Variants in PJA2 observed in about 807,000 individuals in gnomAD.
PJA2 encodes the protein praja ring finger ubiquitin ligase 2, also known as E3 ubiquitin-protein ligase Praja-2.
A neutral mutation model predicts 69.3 loss-of-function variants in PJA2; 25 were observed. The ratio of observed to expected loss-of-function variants is 0.36; its 90% CI spans 0.26 to 0.50. The LOEUF is 0.50. Ranked by LOEUF, PJA2 falls within the 20% of genes least tolerant of loss-of-function variation. The probability of loss-of-function intolerance (pLI) is 0.96; values close to 1 mark genes in which losing one functional copy is unlikely to be tolerated. For missense variants in PJA2, 809 were observed against 830.2 expected, an observed-to-expected ratio of 0.97 and a Z score of 0.31; for synonymous variants, 308 against 277.8, an observed-to-expected ratio of 1.11 and a Z score of -1.08.
Position 109,378,828 on chromosome 5 carries a change from G to C in PJA2, c.659C>G (p.Pro220Arg). 1.2e-6 allele frequency: 2 copies of C among 1,613,670 alleles called. No individual in the cohort carries two copies. Among genetic ancestry groups the C allele is most frequent in the Non-Finnish European group, 8.5e-7 (1 of 1,180,010 alleles). The change falls in exon 4 of 10, where the codon CCC becomes CGC. Residue 220 changes from proline (P) to arginine (R), a missense_variant. This residue lies in a region of PJA2 where 700 missense variants were observed against 639.5 expected (regional missense o/e 1.09). Coordinates refer to ENST00000361189, the MANE Select transcript of PJA2 (RefSeq NM_014819.5). ...ATCTCTTACTTCACAGTTAAATGAGGGAACTGGTGGTGAAAGACCAGTGTA... is the reference window on the plus strand; with the variant it reads ...ATCTCTTACTTCACAGTTAAATGAGCGAACTGGTGGTGAAAGACCAGTGTA... ...EAYTGLSPPV[P>R]SFNCEVRDEF...
chr5:109,397,306 A>G lies in PJA2; in HGVS notation c.-88+12536T>C, dbSNP rs532605704. ...CAGGAACAGATTAAGACAGACAGCT[A>G]TAACATCAAGATACAAAAGTCACTA... On this transcript the variant is annotated intron_variant, in intron 1 of 9. Transcript: ENST00000361189. Among the ~76,000 whole-genome samples, 135 of 152,348 alleles carry G rather than the reference A, an allele frequency of 8.9e-4. 1 individual carries two copies. Among genetic ancestry groups the G allele is most frequent in the Middle Eastern group, 3.4e-3 (1 of 294 alleles).
At chr5:109,352,896 C>A (rs2033265) in intron 7 of PJA2, among the ~76,000 whole-genome samples, 30,216 of 143,144 alleles carry the variant, frequency 0.21, 4,725 homozygotes, top group African/African-American at 0.42. Context: ...TATCTATAGA[C>A]ATCTATATAT....
At chr5:109,344,620 C>G (rs912987245) in intron 8 of PJA2, 85 bp downstream of exon 8, 1 of 893,940 alleles carries the variant, frequency 1.1e-6, no homozygotes, top group Non-Finnish European at 1.7e-6. Context: ...TTCTAATAAT[C>G]AAGTATTTAA....
intron 4 of PJA2, among the ~76,000 whole-genome samples, chr5:109,370,232 C>T (rs1385171627): frequency 6.6e-6 from 1 of 152,030 alleles, no homozygotes; most frequent in Non-Finnish European, 1.5e-5. Context: ...TTAAGAATCT[C>T]CTCAAAGATC....
At chr5:109,359,773 G>A (rs1762479595) in intron 6 of PJA2, among the ~76,000 whole-genome samples, 1 of 152,126 alleles carries the variant, frequency 6.6e-6, no homozygotes, top group Non-Finnish European at 1.5e-5. Context: ...TAACAGCACT[G>A]GTGGAACAAC....
intron 2 of PJA2, among the ~76,000 whole-genome samples, chr5:109,382,592 A>G (rs1747075769): frequency 1.3e-5 from 2 of 151,940 alleles, no homozygotes; most frequent in Admixed American, 1.3e-4. Context: ...TCATGCCTGT[A>G]ATCCCGGTAC....
chr5:109,384,337 T>C (rs900728688), intron 1 of PJA2, among the ~76,000 whole-genome samples: 1 of 152,218 alleles, frequency 6.6e-6, no homozygotes, highest in East Asian at 1.9e-4. Context: ...AATAGTCAGT[T>C]GATCAGATAA....
In PJA2 at chr5:109,337,312, A is replaced by G; in HGVS notation, c.2046T>C (p.Val682=). The change falls in exon 10 of 10, where the codon GTT becomes GTC. Residue 682 remains valine (V), a synonymous_variant. Transcript: ENST00000361189. ...AGGAAGGAGCTGCAGATGCTTCAAT[A>G]ACCGCAGGTGGGAAATGACGGCGGC... ...PVCRRHFPPA[V]IEASAAPSSE... 2 of 1,613,540 alleles carry G rather than the reference A, an allele frequency of 1.2e-6. No homozygotes were observed. The highest frequency in any genetic ancestry group is 1.7e-6 in the Non-Finnish European group (2 of 1,179,782).
chr5:109,408,953 A>G (rs1747756109), intron 1 of PJA2, among the ~76,000 whole-genome samples: 1 of 152,244 alleles, frequency 6.6e-6, no homozygotes, highest in African/African-American at 2.4e-5. Flanking sequence ...TGAAAATTTT[A>G]AACTTCACAG....
chr5:109,379,350 T>C (rs1413184148), intron 3 of PJA2, 96 bp from the exon 4 acceptor site: 5 of 863,090 alleles, frequency 5.8e-6, no homozygotes, highest in Non-Finnish European at 8.7e-6. Context: ...TACCAATTAT[T>C]ACTACTTGAA....
intron 9 of PJA2, among the ~76,000 whole-genome samples, chr5:109,342,819 G>C (rs1189502645): frequency 8.9e-5 from 8 of 89,996 alleles, no homozygotes; most frequent in Admixed American, 9.1e-5. Context: ...CGCCCCGTCC[G>C]GGAGGGAGGT....
intron 7 of PJA2, among the ~76,000 whole-genome samples, chr5:109,347,588 G>C (rs886911222): frequency 2.6e-5 from 4 of 152,234 alleles, no homozygotes; most frequent in African/African-American, 9.6e-5. Context: ...ACATCACTGT[G>C]AAGTTTCTCT....
At chr5:109,345,566 G>A (rs1223039786) in intron 7 of PJA2, among the ~76,000 whole-genome samples, 11 of 149,862 alleles carry the variant, frequency 7.3e-5, no homozygotes, top group Non-Finnish European at 1.3e-4. Flanking sequence ...CTACTTCTCC[G>A]TATTTATATT....
intron 4 of PJA2, among the ~76,000 whole-genome samples, chr5:109,372,531 A>G (rs1762690056): frequency 6.6e-6 from 1 of 152,150 alleles, no homozygotes; most frequent in Admixed American, 6.5e-5. Context: ...ATTATTTTTC[A>G]TAATAGTGCA....
At chr5:109,344,427 AC>A in intron 8 of PJA2, 116 bp from the exon 9 acceptor site, 1 of 1,143,264 alleles carries the variant, frequency 8.7e-7, no homozygotes, top group Non-Finnish European at 1.2e-6. Flanking sequence ...CCAGTCTTTG[AC>A]CAGTTAATTG....
At chr5:109,381,106 T>C (rs1181144165) in intron 3 of PJA2, among the ~76,000 whole-genome samples, 7 of 149,058 alleles carry the variant, frequency 4.7e-5, no homozygotes, top group Non-Finnish European at 8.9e-5. Context: ...AGAACGTGAC[T>C]CCATCTCAAA....
intron 1 of PJA2, among the ~76,000 whole-genome samples, chr5:109,409,605 C>G (rs1178735480): frequency 6.6e-6 from 1 of 151,946 alleles, no homozygotes; most frequent in Non-Finnish European, 1.5e-5. Context: ...GCGACCGTCC[C>G]GGATAGGAGC....
intron 9 of PJA2, among the ~76,000 whole-genome samples, chr5:109,342,636 C>T (rs866687579): frequency 3.1e-4 from 28 of 91,696 alleles, no homozygotes; most frequent in Admixed American, 5.6e-4. Flanking sequence ...CCAGCCGCCC[C>T]GTCCGGGAGG....
At chr5:109,392,099 C>A (rs1312856000) in intron 1 of PJA2, among the ~76,000 whole-genome samples, 1 of 152,044 alleles carries the variant, frequency 6.6e-6, no homozygotes. Flanking sequence ...CAAGGTGATT[C>A]TAAAATGTAA....
Sources: allele counts gnomAD v4.1 joint callset (sites outside exome capture counted in the v4.1 genomes callset), GRCh38; gene constraint gnomAD v4.1.1; regional missense constraint gnomAD v4.1.1; transcripts MANE v1.5; gene names NCBI Gene and HGNC (gene_info 2026-07-23, HGNC 2026-07-21).